The following SDK1 variants were observed in gnomAD, a reference collection of about 807,000 sequenced individuals.
SDK1 encodes the protein sidekick cell adhesion molecule 1.
SDK1 carries 157 observed loss-of-function variants against 245.5 expected under a neutral mutation model. The observed-to-expected ratio is 0.64, with a 90% CI of 0.56 to 0.73. SDK1 has a LOEUF of 0.73. SDK1 is among the 30% of genes least tolerant of loss of function. SDK1 has a pLI of 0.00. For missense variants in SDK1, 3,583 were observed against 3,002.3 expected (o/e 1.19, Z -4.52); for synonymous variants, 1,647 against 1,278.5 (o/e 1.29, Z -6.15).
chr7:3,806,073 A>G lies in SDK1; in HGVS notation c.714-15377A>G, dbSNP rs538438069. Among the ~76,000 whole-genome samples, 11 of 152,266 alleles carry G rather than the reference A, an allele frequency of 7.2e-5. 1 individual carries two copies. The South Asian group carries it at 2.3e-3, about 32-fold the overall frequency. On this transcript the variant is annotated intron_variant, in intron 4 of 44. Coordinates refer to ENST00000404826, the MANE Select transcript of SDK1 (RefSeq NM_152744.4). Reference sequence around the variant, plus strand: ...AGGTCAAAGACAAGGAAAGACTGCAAATGCTTGGCTTGTAGCCCTCCCACC... The same window carrying G: ...AGGTCAAAGACAAGGAAAGACTGCAGATGCTTGGCTTGTAGCCCTCCCACC...
In SDK1 at chr7:3,990,510, C is replaced by T. The variant is rs566321463; in HGVS notation, c.2131+3188C>T. On this transcript the variant is annotated intron_variant, in intron 14 of 44. Coordinates refer to ENST00000404826, the MANE Select transcript of SDK1 (RefSeq NM_152744.4). The stretch of plus-strand genomic sequence containing the variant: ...GTACAGAAGAGTTTCCTGAGGATGG[C>T]GTGGCCATGCTGCCTGTACGTAAAA... Among the ~76,000 whole-genome samples the T allele has an allele frequency of 9.8e-5, 15 of 152,306 alleles. No individual in the cohort carries two copies. The East Asian group carries it at 2.1e-3, about 22-fold the overall frequency.
chr7:3,900,313 T>C (rs1781743650), intron 5 of SDK1, among the ~76,000 whole-genome samples: 1 of 152,266 alleles, frequency 6.6e-6, no homozygotes, highest in African/African-American at 2.4e-5. Flanking sequence ...GTCTAAAATT[T>C]ACCAACATGT....
intron 4 of SDK1, among the ~76,000 whole-genome samples, chr7:3,722,584 G>T (rs941937463): frequency 5.3e-5 from 8 of 152,170 alleles, no homozygotes; most frequent in African/African-American, 1.9e-4. Flanking sequence ...GGGATGCACT[G>T]TGTGTACGCG....
At chr7:3,394,681 T>C (rs1781847482) in intron 1 of SDK1, among the ~76,000 whole-genome samples, 1 of 152,118 alleles carries the variant, frequency 6.6e-6, no homozygotes. Context: ...TTAAAAAAAC[T>C]TGAATTTTCT....
At chr7:4,166,806 C>G (rs1000792798) in intron 32 of SDK1, among the ~76,000 whole-genome samples, 3 of 152,236 alleles carry the variant, frequency 2.0e-5, no homozygotes, top group Non-Finnish European at 2.9e-5. Flanking sequence ...AGCTCCCTGT[C>G]TCTAGAACTA....
intron 4 of SDK1, among the ~76,000 whole-genome samples, chr7:3,787,891 T>A (rs1780955415): frequency 1.3e-5 from 2 of 152,210 alleles, no homozygotes; most frequent in South Asian, 4.1e-4. Flanking sequence ...CGCTGGAGTT[T>A]GTATGGCTGT....
chr7:3,678,916 C>T (rs1439387619), intron 4 of SDK1, among the ~76,000 whole-genome samples: 1 of 152,132 alleles, frequency 6.6e-6, no homozygotes, highest in Non-Finnish European at 1.5e-5. Context: ...CATTTTATAT[C>T]TTTAAAAAAA....
At chr7:3,952,075 T>G (rs1327385650) in intron 7 of SDK1, 155 bp downstream of exon 7, 21 of 662,192 alleles carry the variant, frequency 3.2e-5, no homozygotes, top group Non-Finnish European at 5.0e-5. Flanking sequence ...CTTCCTAGCC[T>G]TCTTTCCCAA....
chr7:3,512,267 C>T (rs144453999), intron 1 of SDK1, among the ~76,000 whole-genome samples: 1 of 151,988 alleles, frequency 6.6e-6, no homozygotes, highest in African/African-American at 2.4e-5. Context: ...TTGTTTCCTC[C>T]CTGTGTTTTC....
chr7:3,678,280 A>G (rs151153613), intron 4 of SDK1, among the ~76,000 whole-genome samples: 7 of 152,314 alleles, frequency 4.6e-5, no homozygotes, highest in African/African-American at 1.4e-4. Flanking sequence ...ATATACCCCA[A>G]ATAATTGAAA....
chr7:3,439,923 C>G (rs886960509), intron 1 of SDK1, among the ~76,000 whole-genome samples: 1 of 122,592 alleles, frequency 8.2e-6, no homozygotes, highest in African/African-American at 2.7e-5. Flanking sequence ...CCCAAACTAC[C>G]CTGTGCTGGA....
chr7:4,199,586 G>A (rs1783773244), intron 35 of SDK1, among the ~76,000 whole-genome samples: 1 of 152,142 alleles, frequency 6.6e-6, no homozygotes, highest in Non-Finnish European at 1.5e-5. Context: ...CTTTTCCTAT[G>A]GAAACAACTG....
intron 1 of SDK1, among the ~76,000 whole-genome samples, chr7:3,602,483 C>A (rs144650713): frequency 4.7e-4 from 72 of 152,180 alleles, no homozygotes; most frequent in Non-Finnish European, 8.2e-4. Flanking sequence ...TCTTTTGAGA[C>A]GTGTCTGTTC....
chr7:4,267,044 T>G lies in SDK1; in HGVS notation c.*1660T>G. On this transcript the variant is annotated 3_prime_UTR_variant, in exon 45 of 45. Coordinates refer to ENST00000404826, the MANE Select transcript of SDK1 (RefSeq NM_152744.4). ...CCTCCATGGGCAGAGGGTGTGGATA[T>G]TGCCTGGATTCTGTGCTGTCAGCGT... 1 of 985,510 alleles carries G rather than the reference T, an allele frequency of 1.0e-6. No individual in the cohort carries two copies. The highest frequency in any genetic ancestry group is 1.2e-6 in the Non-Finnish European group (1 of 829,980). The allele number at this position is 985,510 out of a possible 1,614,324, so 61.0% of individuals were successfully genotyped here.
At chr7:3,865,589 G>C (rs1169008797) in intron 5 of SDK1, among the ~76,000 whole-genome samples, 1 of 152,074 alleles carries the variant, frequency 6.6e-6, no homozygotes, top group African/African-American at 2.4e-5. Context: ...GCTCACCGCA[G>C]CTTCAAACTC....
intron 17 of SDK1, among the ~76,000 whole-genome samples, chr7:4,027,050 G>C (rs1787409522): frequency 6.6e-6 from 1 of 152,192 alleles, no homozygotes. Flanking sequence ...CTGTTGTGCA[G>C]GACGTGAAGA....
At chr7:4,043,389 C>A (rs1354962854) in intron 17 of SDK1, among the ~76,000 whole-genome samples, 1 of 151,306 alleles carries the variant, frequency 6.6e-6, no homozygotes, top group African/African-American at 2.4e-5. Context: ...CAGCCAGGGA[C>A]TCAGGCAGAG....
At chr7:3,672,424 C>T (rs1440407200) in intron 4 of SDK1, among the ~76,000 whole-genome samples, 2 of 151,120 alleles carry the variant, frequency 1.3e-5, no homozygotes, top group Non-Finnish European at 2.9e-5. Context: ...TATACTTCTA[C>T]TGCAAACTCT....
intron 13 of SDK1, among the ~76,000 whole-genome samples, chr7:3,985,700 C>T (rs369100435): frequency 1.3e-5 from 2 of 152,156 alleles, no homozygotes; most frequent in Non-Finnish European, 2.9e-5. Context: ...GAAAACAAGA[C>T]GACATCCTGG....
Sources: allele counts gnomAD v4.1 joint callset (sites outside exome capture counted in the v4.1 genomes callset), GRCh38; gene constraint gnomAD v4.1.1; transcripts MANE v1.5; gene names NCBI Gene and HGNC (gene_info 2026-07-23, HGNC 2026-07-21).